JARID2: variants seen among roughly 807,000 people sequenced by gnomAD.
JARID2 encodes protein Jumonji.
In JARID2, 21 loss-of-function variants were observed where a neutral mutation model predicts 125.6. That is an observed-to-expected ratio of 0.17 (90% CI 0.12 to 0.24). The LOEUF is 0.24. Ranked by LOEUF, JARID2 falls within the 10% of genes least tolerant of loss-of-function variation. The pLI, the probability that JARID2 is intolerant of heterozygous loss-of-function variation, is 1.00. For synonymous variants in JARID2, 736 were observed against 661.6 expected (o/e 1.11, Z -1.73); for missense variants, 1,303 against 1,639.6 (o/e 0.79, Z 3.55).
At chr6:15,265,845 A>G (rs968617057) in intron 1 of JARID2, among the ~76,000 whole-genome samples, 25 of 151,992 alleles carry the variant, frequency 1.6e-4, no homozygotes, top group Non-Finnish European at 2.6e-4. Context: ...CCCCTCCCTC[A>G]TTTACATTCA....
At chr6:15,472,987 GA>G (rs1241667954) in intron 5 of JARID2, among the ~76,000 whole-genome samples, 1 of 152,184 alleles carries the variant, frequency 6.6e-6, no homozygotes, top group Non-Finnish European at 1.5e-5. Context: ...AGACAAGCAC[GA>G]AACCAACTCC....
At chr6:15,341,420 A>G (rs1231176383) in intron 1 of JARID2, among the ~76,000 whole-genome samples, 2 of 152,212 alleles carry the variant, frequency 1.3e-5, no homozygotes, top group African/African-American at 4.8e-5. Context: ...ACACACAGGA[A>G]AGTAGACAAA....
chr6:15,309,668 CGTGT>C (rs528107266), intron 1 of JARID2, among the ~76,000 whole-genome samples: 3 of 149,418 alleles, frequency 2.0e-5, no homozygotes, highest in East Asian at 2.0e-4. Flanking sequence ...CATATATAAA[CGTGT>C]GTGTGTGTGT....
At chr6:15,374,440 T>C (rs1186765704) in intron 2 of JARID2, among the ~76,000 whole-genome samples, 188 bp downstream of exon 2, 4 of 152,230 alleles carry the variant, frequency 2.6e-5, no homozygotes, top group African/African-American at 9.6e-5. Flanking sequence ...TGTTCCTTTA[T>C]GTACCGCGTT....
intron 5 of JARID2, among the ~76,000 whole-genome samples, chr6:15,481,985 T>C (rs1262174734): frequency 6.6e-6 from 1 of 152,204 alleles, no homozygotes; most frequent in African/African-American, 2.4e-5. Context: ...CATAGTATTT[T>C]CCTGAGCAGT....
intron 2 of JARID2, among the ~76,000 whole-genome samples, chr6:15,391,064 T>C (rs1273223660): frequency 6.6e-6 from 1 of 152,210 alleles, no homozygotes; most frequent in Non-Finnish European, 1.5e-5. Flanking sequence ...GTTGTAGATA[T>C]ACAGTACCCC....
chr6:15,402,680 GA>G (rs1765484808), intron 2 of JARID2, among the ~76,000 whole-genome samples: 1 of 152,196 alleles, frequency 6.6e-6, no homozygotes, highest in Non-Finnish European at 1.5e-5. Context: ...CTGTCGCCTT[GA>G]GTCAGTTTTC....
intron 1 of JARID2, among the ~76,000 whole-genome samples, chr6:15,369,747 G>GA (rs1764098572): frequency 6.6e-6 from 1 of 152,272 alleles, no homozygotes; most frequent in South Asian, 2.1e-4. Flanking sequence ...AGTCTGAACA[G>GA]ATGTAAGTGG....
intron 3 of JARID2, among the ~76,000 whole-genome samples, chr6:15,443,492 T>C (rs1303470723): frequency 1.3e-5 from 2 of 152,188 alleles, no homozygotes; most frequent in African/African-American, 4.8e-5. Flanking sequence ...CCCCTCCACC[T>C]TCTAAAGTGC....
chr6:15,500,359 G>C (rs1184681363), intron 7 of JARID2, among the ~76,000 whole-genome samples: 1 of 152,216 alleles, frequency 6.6e-6, no homozygotes, highest in Admixed American at 6.5e-5. Context: ...CTTCCTTTGT[G>C]TGAGTGAGTG....
At chr6:15,390,777 A>G (rs1333996245) in intron 2 of JARID2, among the ~76,000 whole-genome samples, 3 of 152,174 alleles carry the variant, frequency 2.0e-5, no homozygotes, top group Non-Finnish European at 4.4e-5. Context: ...CTGCCAGCTC[A>G]GGTCCAGTAG....
At chr6:15,465,810 G>GTTTT (rs751431473) in intron 4 of JARID2, among the ~76,000 whole-genome samples, 6 of 147,658 alleles carry the variant, frequency 4.1e-5, no homozygotes, top group African/African-American at 1.0e-4. Flanking sequence ...TTGTTTGTTT[G>GTTTT]TTTGTTTTTT....
At chr6:15,248,799 C>CA in intron 1 of JARID2, 1 of 507,324 alleles carries the variant, frequency 2.0e-6, no homozygotes. Context: ...TCCGTGACGT[C>CA]AAAAGTCGGG....
At chr6:15,454,103 A>C (rs1458855328) in intron 4 of JARID2, among the ~76,000 whole-genome samples, 2 of 152,184 alleles carry the variant, frequency 1.3e-5, no homozygotes, top group Non-Finnish European at 2.9e-5. Flanking sequence ...TTCATCCCTG[A>C]GGAACTTGGC....
intron 1 of JARID2, among the ~76,000 whole-genome samples, chr6:15,327,797 A>G (rs563260336): frequency 2.0e-5 from 3 of 152,306 alleles, no homozygotes; most frequent in South Asian, 4.1e-4. Context: ...CCTGGACTGC[A>G]ACGCGGTCTC....
chr6:15,248,382 C>A (rs1424640642), intron 1 of JARID2: 1 of 103,476 alleles, frequency 9.7e-6, no homozygotes, highest in Non-Finnish European at 1.9e-5. Context: ...GGGTGGGGCG[C>A]GGGGGTGGCG....
chr6:15,276,982 C>T (rs1432387380), intron 1 of JARID2, among the ~76,000 whole-genome samples: 1 of 152,178 alleles, frequency 6.6e-6, no homozygotes, highest in Non-Finnish European at 1.5e-5. Flanking sequence ...AAGCTTGTTA[C>T]CATGAAGTTC....
intron 2 of JARID2, among the ~76,000 whole-genome samples, chr6:15,409,161 T>A (rs1048586126): frequency 2.0e-5 from 3 of 152,204 alleles, no homozygotes; most frequent in Non-Finnish European, 4.4e-5. Context: ...ACATAGTGTT[T>A]AGTACAACTA....
At chr6:15,338,830 C>T (rs144211124) in intron 1 of JARID2, among the ~76,000 whole-genome samples, 1 of 152,344 alleles carries the variant, frequency 6.6e-6, no homozygotes, top group African/African-American at 2.4e-5. Context: ...CTTCTCCCTA[C>T]AGGACTTAAA....
Sources: gnomAD v4.1 joint callset for allele counts (sites outside exome capture counted in the v4.1 genomes callset) on GRCh38, gnomAD v4.1.1 for gene constraint, MANE v1.5 for transcripts, NCBI Gene and HGNC (gene_info 2026-07-23, HGNC 2026-07-21) for gene names.